The following CFAP70 variants were observed in gnomAD, a reference collection of about 807,000 sequenced individuals.
CFAP70 encodes cilia- and flagella-associated protein 70.
A neutral mutation model predicts 137.6 loss-of-function variants in CFAP70; 81 were observed. That is an observed-to-expected ratio of 0.59 (90% CI 0.49 to 0.71). The LOEUF (loss-of-function observed/expected upper bound fraction) is 0.71. Among genes scored for constraint, CFAP70 ranks in the 30% least tolerant of loss-of-function variants. The probability of loss-of-function intolerance (pLI) is 0.00; values close to 1 mark genes in which losing one functional copy is unlikely to be tolerated. For missense variants in CFAP70, 976 were observed against 1,226.7 expected, an observed-to-expected ratio of 0.80 and a Z score of 3.05; for synonymous variants, 382 against 423.6, an observed-to-expected ratio of 0.90 and a Z score of 1.20.
intron 25 of CFAP70, among the ~76,000 whole-genome samples, chr10:73,257,979 AC>A (rs1475556335): frequency 1.1e-4 from 16 of 141,342 alleles, no homozygotes; most frequent in Admixed American, 2.2e-4. Context: ...TGCAACCTCC[AC>A]CCCCTGGGTT....
chr10:73,326,411 A>G (rs1306659566), intron 8 of CFAP70, among the ~76,000 whole-genome samples: 2 of 147,192 alleles, frequency 1.4e-5, no homozygotes, highest in African/African-American at 2.5e-5. Context: ...ACACCCTAAC[A>G]TCACAATTAA....
chr10:73,270,915 C>G (rs888808934), intron 24 of CFAP70, among the ~76,000 whole-genome samples: 2 of 152,134 alleles, frequency 1.3e-5, no homozygotes, highest in Non-Finnish European at 2.9e-5. Context: ...CACACCCATA[C>G]TTTGGCCCAC....
At chr10:73,310,204 C>T (rs1481245298) in exon 12 of CFAP70, 2 of 1,613,074 alleles carry the variant, frequency 1.2e-6, no homozygotes, top group Admixed American at 1.7e-5. Flanking sequence ...AAGGCTTTGT[C>T]CAGCTGAATT....
At chr10:73,278,044 C>T (rs1199487116) in intron 20 of CFAP70, 135 bp downstream of exon 21, 1 of 785,726 alleles carries the variant, frequency 1.3e-6, no homozygotes, top group Non-Finnish European at 2.0e-6. Context: ...GAGAGAGTTA[C>T]ACCATTGAGT....
At position 73,305,192 on chromosome 10, in the gene CFAP70, C is replaced by T. The variant is rs140509612; in HGVS notation, c.1256+4966G>A. The stretch of plus-strand genomic sequence containing the variant: ...TGCAAGGCACTCATCTCTGTTTCTC[C>T]TAACTCAGTGCGGAAAAGCACTGAA... On this transcript the variant is annotated intron_variant, in intron 12 of 26. Transcript: ENST00000310715. 9.2e-3 allele frequency among the ~76,000 whole-genome samples: 1,394 copies of T among 152,266 alleles called. 13 individuals carry two copies. Among genetic ancestry groups the T allele is most frequent in the Non-Finnish European group, 0.016 (1,083 of 68,022 alleles).
At chr10:73,278,333 T>C (rs1304058968) in exon 20 of CFAP70, 2 of 1,608,932 alleles carry the variant, frequency 1.2e-6, no homozygotes, top group Admixed American at 1.7e-5. Context: ...ATGCAGCTCC[T>C]GGTCCTAAAT....
At chr10:73,263,670 G>A (rs1404775654) in intron 25 of CFAP70, among the ~76,000 whole-genome samples, 1 of 152,164 alleles carries the variant, frequency 6.6e-6, no homozygotes, top group African/African-American at 2.4e-5. Context: ...TACTTGTGAT[G>A]TTAACTTTGA....
chr10:73,312,766 G>C, intron 9 of CFAP70, 123 bp from the exon 11 acceptor site: 1 of 852,510 alleles, frequency 1.2e-6, no homozygotes, highest in Non-Finnish European at 1.7e-6. Flanking sequence ...CAGAGAGAGA[G>C]AAGGGACTTG....
At chr10:73,318,187 A>G (rs965629308) in intron 9 of CFAP70, among the ~76,000 whole-genome samples, 1 of 152,176 alleles carries the variant, frequency 6.6e-6, no homozygotes, top group Non-Finnish European at 1.5e-5. Context: ...CTTTTCATGC[A>G]TTAGTAGTTC....
intron 3 of CFAP70, among the ~76,000 whole-genome samples, chr10:73,351,197 C>A (rs1326680161): frequency 7.0e-6 from 1 of 142,670 alleles, no homozygotes; most frequent in Non-Finnish European, 1.5e-5. Flanking sequence ...CAGCTCACTG[C>A]AAGCTCCGCC....
At chr10:73,305,707 G>A (rs532057823) in intron 12 of CFAP70, among the ~76,000 whole-genome samples, 28 of 152,278 alleles carry the variant, frequency 1.8e-4, no homozygotes, top group Middle Eastern at 3.4e-3. Flanking sequence ...CAAACGTAGC[G>A]AAGGGAAAAG....
At chr10:73,361,281 A>ACCAT (rs1331340302), upstream of CFAP70, among the ~76,000 whole-genome samples, 1 of 145,822 alleles carries the variant, frequency 6.9e-6, no homozygotes, top group Non-Finnish European at 1.5e-5. Context: ...GGCATGAACC[A>ACCAT]CCATGCCCGG....
At chr10:73,298,824 T>A in intron 14 of CFAP70, 83 bp downstream of exon 15, 1 of 1,275,628 alleles carries the variant, frequency 7.8e-7, no homozygotes, top group Non-Finnish European at 1.1e-6. Context: ...CTGAACATAA[T>A]CAGAGGAGAA....
At chr10:73,286,173 G>A (rs901862150) in intron 19 of CFAP70, among the ~76,000 whole-genome samples, 17 of 152,096 alleles carry the variant, frequency 1.1e-4, no homozygotes, top group South Asian at 6.2e-4. Flanking sequence ...GGCCTGGCGC[G>A]GTGGCTCACG....
At chr10:73,285,661 G>T (rs1323643187) in intron 19 of CFAP70, among the ~76,000 whole-genome samples, 1 of 146,596 alleles carries the variant, frequency 6.8e-6, no homozygotes, top group Non-Finnish European at 1.5e-5. Context: ...TTGAGACGGA[G>T]TCTCACTCTG....
chr10:73,306,438 C>A (rs1054458346), intron 12 of CFAP70, among the ~76,000 whole-genome samples: 1 of 152,056 alleles, frequency 6.6e-6, no homozygotes, highest in Non-Finnish European at 1.5e-5. Flanking sequence ...GAAAAAATAT[C>A]AAAAACAGCA....
intron 8 of CFAP70, among the ~76,000 whole-genome samples, chr10:73,330,257 C>T (rs1366691477): frequency 1.3e-5 from 2 of 151,946 alleles, no homozygotes; most frequent in Non-Finnish European, 2.9e-5. Flanking sequence ...CGAGACCAGC[C>T]TGACCAACAT....
At chr10:73,346,651 A>T (rs1176441373) in intron 4 of CFAP70, among the ~76,000 whole-genome samples, 1 of 152,172 alleles carries the variant, frequency 6.6e-6, no homozygotes, top group Non-Finnish European at 1.5e-5. Flanking sequence ...CTCAAAAAAA[A>T]AAAGAATGTG....
At position 73,350,987 on chromosome 10, in the gene CFAP70, ATATATGTGTG is replaced by A. The variant is rs1183096026; in HGVS notation, c.251-2476_251-2467del. On this transcript the variant is annotated intron_variant, in intron 3 of 26. Coordinates refer to ENST00000310715, the Ensembl canonical transcript of CFAP70. ...TGTGTATATGTATGTGTGTGTGTAT[ATATATGTGTG>A]TATATGTGTGTATGTGTGTGTATAT... is the stretch of plus-strand genomic sequence containing the variant. Among the ~76,000 whole-genome samples the A allele has an allele frequency of 4.1e-3, 591 of 145,856 alleles. 1 individual carries two copies. The highest frequency in any genetic ancestry group is 0.014 in the Middle Eastern group (4 of 284).
Sources: gnomAD v4.1 joint callset for allele counts (sites outside exome capture counted in the v4.1 genomes callset) on GRCh38, gnomAD v4.1.1 for gene constraint, MANE v1.5 for transcripts, NCBI Gene and HGNC (gene_info 2026-07-23, HGNC 2026-07-21) for gene names.